RGS6: variants seen among roughly 807,000 people sequenced by gnomAD.
RGS6 encodes regulator of G protein signaling 6, also known as regulator of G-protein signaling 6.
Under a neutral mutation model 78.5 loss-of-function variants are expected in RGS6, and 30 were observed. The ratio of observed to expected loss-of-function variants is 0.38; its 90% CI spans 0.29 to 0.52. The LOEUF is 0.52. RGS6 is among the 20% of genes least tolerant of loss of function. The pLI, the probability that RGS6 is intolerant of heterozygous loss-of-function variation, is 0.85. For synonymous variants in RGS6, 206 were observed against 206.0 expected (o/e 1.00, Z 0.00); for missense variants, 495 against 609.7 (o/e 0.81, Z 1.98).
intron 4 of RGS6, among the ~76,000 whole-genome samples, chr14:72,456,936 T>C (rs2153231436): frequency 6.6e-6 from 1 of 151,488 alleles, no homozygotes; most frequent in Non-Finnish European, 1.5e-5. Context: ...AAAAAAAAAT[T>C]AGACAGACGT....
At chr14:72,175,362 C>T (rs1041694254) in intron 2 of RGS6, among the ~76,000 whole-genome samples, 4 of 152,204 alleles carry the variant, frequency 2.6e-5, no homozygotes, top group Admixed American at 1.3e-4. Context: ...GTGATACTAA[C>T]GTTTCATAGC....
rs911026577 is a variant in RGS6 at position 72,367,447 on chromosome 14, C to CT, written c.184+15263dup. Among the ~76,000 whole-genome samples, 25 of 149,626 alleles carry CT rather than the reference C, an allele frequency of 1.7e-4. No individual in the cohort carries two copies. In the South Asian group the frequency reaches 3.6e-3, roughly 22 times the overall value. ...TTTGGACAACTTTGACCTTGAGAAACTTTTTTTTTTGTAATAAACCTACCA... is the reference window on the plus strand; with the variant it reads ...TTTGGACAACTTTGACCTTGAGAAACTTTTTTTTTTTGTAATAAACCTACCA... On this transcript the variant is annotated intron_variant, in intron 3 of 17. Coordinates refer to ENST00000553525, the MANE Select transcript of RGS6 (RefSeq NM_001204424.2).
the RGS6 span, among the ~76,000 whole-genome samples, chr14:72,622,010 G>T: frequency 6.6e-6 from 1 of 152,180 alleles, no homozygotes; most frequent in Non-Finnish European, 1.5e-5. Context: ...ATGGACTTGG[G>T]ATTCATTGTA....
intron 2 of RGS6, among the ~76,000 whole-genome samples, chr14:72,193,513 C>T (rs1251163151): frequency 6.6e-6 from 1 of 152,146 alleles, no homozygotes; most frequent in South Asian, 2.1e-4. Flanking sequence ...ACTTCTGGAC[C>T]CTTGGGATAT....
At chr14:72,592,525 G>A in the RGS6 span, among the ~76,000 whole-genome samples, 2 of 152,222 alleles carry the variant, frequency 1.3e-5, no homozygotes, top group Admixed American at 1.3e-4. Flanking sequence ...TATTTTCAAG[G>A]AAAGAGCTAA....
chr14:72,017,536 C>T (rs1011218023), intron 2 of RGS6, among the ~76,000 whole-genome samples: 3 of 152,156 alleles, frequency 2.0e-5, no homozygotes, highest in African/African-American at 7.2e-5. Context: ...TGTATTATAA[C>T]ATCAGAGTTG....
chr14:72,356,001 ATT>A (rs1021939998), intron 3 of RGS6, among the ~76,000 whole-genome samples: 6 of 152,118 alleles, frequency 3.9e-5, no homozygotes, highest in African/African-American at 1.4e-4. Context: ...TCACTGCAGG[ATT>A]TTGCACATGG....
At chr14:72,374,429 G>C (rs1487283288) in intron 3 of RGS6, among the ~76,000 whole-genome samples, 2 of 152,200 alleles carry the variant, frequency 1.3e-5, no homozygotes, top group African/African-American at 4.8e-5. Flanking sequence ...ATTCACAATA[G>C]CAAAGAGTTG....
intron 2 of RGS6, among the ~76,000 whole-genome samples, chr14:72,155,424 A>G (rs1469811406): frequency 6.6e-6 from 1 of 151,988 alleles, no homozygotes; most frequent in Admixed American, 6.6e-5. Flanking sequence ...AGCTTATTCA[A>G]CCTCCCACCC....
At chr14:72,277,790 T>C (rs533211156) in intron 2 of RGS6, among the ~76,000 whole-genome samples, 61 of 152,006 alleles carry the variant, frequency 4.0e-4, no homozygotes, top group African/African-American at 1.4e-3. Context: ...TAGCTAGACT[T>C]GGTGGTATGC....
chr14:72,035,688 G>A (rs1351152984), intron 2 of RGS6, among the ~76,000 whole-genome samples: 1 of 152,094 alleles, frequency 6.6e-6, no homozygotes, highest in Non-Finnish European at 1.5e-5. Flanking sequence ...TTTAGCCAAA[G>A]TTTGAGGACA....
intron 2 of RGS6, among the ~76,000 whole-genome samples, chr14:72,267,484 A>G (rs556965795): frequency 1.6e-4 from 25 of 152,346 alleles, no homozygotes; most frequent in African/African-American, 5.8e-4. Flanking sequence ...AATACTTGCT[A>G]TCTTGCTCTT....
chr14:72,063,013 A>G (rs2093968114), intron 2 of RGS6, among the ~76,000 whole-genome samples: 1 of 152,020 alleles, frequency 6.6e-6, no homozygotes, highest in African/African-American at 2.4e-5. Flanking sequence ...TAGCAGAGAC[A>G]GGGTTTTGGC....
intron 2 of RGS6, among the ~76,000 whole-genome samples, chr14:72,300,065 G>A (rs1035214757): frequency 6.6e-6 from 1 of 151,910 alleles, no homozygotes; most frequent in Admixed American, 6.6e-5. Flanking sequence ...TTTAGATCAA[G>A]GATCTAAATT....
At chr14:71,985,324 A>T (rs184217551) in intron 2 of RGS6, among the ~76,000 whole-genome samples, 46 of 152,196 alleles carry the variant, frequency 3.0e-4, no homozygotes, top group African/African-American at 1.1e-3. Flanking sequence ...GGGTCTCACT[A>T]TGTTGGCCAG....
intron 2 of RGS6, among the ~76,000 whole-genome samples, chr14:72,128,750 G>T (rs1378319254): frequency 2.0e-5 from 3 of 152,154 alleles, no homozygotes; most frequent in Non-Finnish European, 4.4e-5. Flanking sequence ...GAAACATGTG[G>T]TTATGTTGGT....
intron 2 of RGS6, among the ~76,000 whole-genome samples, chr14:72,220,605 T>C (rs1300476274): frequency 6.6e-6 from 1 of 152,162 alleles, no homozygotes; most frequent in Non-Finnish European, 1.5e-5. Flanking sequence ...GCTGCTTCCG[T>C]ATAGTATTTT....
At chr14:72,339,673 T>C (rs1216497060) in intron 2 of RGS6, among the ~76,000 whole-genome samples, 1 of 152,130 alleles carries the variant, frequency 6.6e-6, no homozygotes, top group Admixed American at 6.5e-5. Context: ...GATGATGGTC[T>C]CTGGGCAGTC....
the RGS6 span, among the ~76,000 whole-genome samples, chr14:72,572,270 T>C: frequency 5.3e-5 from 8 of 152,334 alleles, no homozygotes; most frequent in East Asian, 1.5e-3. Flanking sequence ...AGTTACTCTA[T>C]GACCCAGCAA....
Sources: gnomAD v4.1 joint callset for allele counts (sites outside exome capture counted in the v4.1 genomes callset) on GRCh38, gnomAD v4.1.1 for gene constraint, MANE v1.5 for transcripts, NCBI Gene and HGNC (gene_info 2026-07-23, HGNC 2026-07-21) for gene names.